The following METAP1D variants were observed in gnomAD, a reference collection of about 807,000 sequenced individuals.
METAP1D encodes methionyl aminopeptidase type 1D, mitochondrial.
A neutral mutation model predicts 40.5 loss-of-function variants in METAP1D; 31 were observed. The observed-to-expected ratio is 0.77, with a 90% CI of 0.58 to 1.03. The LOEUF (loss-of-function observed/expected upper bound fraction) is 1.03. Ranked by LOEUF, METAP1D falls within the 50% of genes least tolerant of loss-of-function variation. The probability of loss-of-function intolerance (pLI) is 0.00; values close to 1 mark genes in which losing one functional copy is unlikely to be tolerated. For synonymous variants in METAP1D, 151 were observed against 146.4 expected (o/e 1.03, Z -0.22); for missense variants, 411 against 420.7 (o/e 0.98, Z 0.20).
At position 172,061,498 on chromosome 2, in the gene METAP1D, G is replaced by C; in HGVS notation, c.41G>C (p.Gly14Ala). 6.2e-7 allele frequency: 1 copy of C among 1,608,790 alleles called. No individual in the cohort carries two copies. The highest frequency in any genetic ancestry group is 8.5e-7 in the Non-Finnish European group (1 of 1,177,924). Residue 14 changes from glycine (G) to alanine (A), a missense_variant and splice_region_variant, in exon 2 of 10, where the codon GGT (glycine) becomes GCT (alanine). Coordinates refer to ENST00000315796, the MANE Select transcript of METAP1D (RefSeq NM_199227.3). Reference protein sequence around the residue: ...PSGVHLLVRRGSHRIFSSPLN... With the variant: ...PSGVHLLVRRASHRIFSSPLN... ...AAAATATGTCTGTTTCTGCTCACAGGTTCTCATAGAATTTTCTCTTCACCA... is the reference window on the plus strand; with the variant it reads ...AAAATATGTCTGTTTCTGCTCACAGCTTCTCATAGAATTTTCTCTTCACCA...
chr2:172,072,088 T>C (rs1690433443), intron 6 of METAP1D, among the ~76,000 whole-genome samples: 1 of 152,220 alleles, frequency 6.6e-6, no homozygotes, highest in Non-Finnish European at 1.5e-5. Context: ...AGTTTTAAAT[T>C]ATAGGCTAAC....
At chr2:172,037,720 A>AGGTAGGAGGT (rs1689428257) in intron 1 of METAP1D, among the ~76,000 whole-genome samples, 1 of 152,188 alleles carries the variant, frequency 6.6e-6, no homozygotes, top group South Asian at 2.1e-4. Flanking sequence ...GGTTCTGAAC[A>AGGTAGGAGGT]CTTAATATCT....
At chr2:172,048,239 G>A (rs1689805273) in intron 1 of METAP1D, among the ~76,000 whole-genome samples, 2 of 152,104 alleles carry the variant, frequency 1.3e-5, no homozygotes, top group South Asian at 4.2e-4. Context: ...TGAATTACTT[G>A]CTTTGTGGAT....
intron 1 of METAP1D, among the ~76,000 whole-genome samples, chr2:172,060,944 TC>T (rs1690125974): frequency 2.0e-5 from 3 of 152,280 alleles, no homozygotes; most frequent in Non-Finnish European, 4.4e-5. Flanking sequence ...ATATTCATTT[TC>T]TTTCAGTGTT....
intron 6 of METAP1D, among the ~76,000 whole-genome samples, chr2:172,075,092 C>G (rs1191045708): frequency 6.6e-6 from 1 of 152,130 alleles, no homozygotes; most frequent in East Asian, 1.9e-4. Context: ...AAAGAGGTAT[C>G]TTTTTCATGT....
In METAP1D at chr2:172,006,376, G is replaced by C. The variant is rs531921480; in HGVS notation, c.40+6367G>C. On this transcript the variant is annotated intron_variant, in intron 1 of 9. Transcript: ENST00000315796. ...TTTTTTGTATTTTTAGTAGAGATGGGGTTTCACCGTGTTAGCCAGGCTGGT... is the reference window on the plus strand; with the variant it reads ...TTTTTTGTATTTTTAGTAGAGATGGCGTTTCACCGTGTTAGCCAGGCTGGT... Among the ~76,000 whole-genome samples, 608 of 152,114 alleles carry C rather than the reference G, an allele frequency of 4.0e-3. 3 individuals carry two copies. Among genetic ancestry groups the C allele is most frequent in the Admixed American group, 9.2e-3 (141 of 15,274 alleles).
intron 7 of METAP1D, among the ~76,000 whole-genome samples, chr2:172,078,378 T>C (rs1690602407): frequency 6.6e-6 from 1 of 152,200 alleles, no homozygotes; most frequent in Non-Finnish European, 1.5e-5. Flanking sequence ...TGCCCACCCT[T>C]GTCTTCCTTC....
Position 172,080,549 on chromosome 2 carries a change from G to A in METAP1D, c.*143G>A. 2.4e-6 allele frequency: 2 copies of A among 839,446 alleles called. No homozygotes were observed. Among genetic ancestry groups the A allele is most frequent in the South Asian group, 3.2e-5 (2 of 63,294 alleles). The allele number at this position is 839,446 out of a possible 1,614,324, so 52.0% of individuals were successfully genotyped here. On this transcript the variant is annotated 3_prime_UTR_variant, in exon 10 of 10. Coordinates refer to ENST00000315796, the MANE Select transcript of METAP1D (RefSeq NM_199227.3). ...CCTGATAGCGTTTGGAAGAACGCGGGGGAGACTGAAGAGCAACTGGGAACT... is the reference window on the plus strand; with the variant it reads ...CCTGATAGCGTTTGGAAGAACGCGGAGGAGACTGAAGAGCAACTGGGAACT...
intron 1 of METAP1D, among the ~76,000 whole-genome samples, chr2:172,002,099 C>G (rs1688480142): frequency 6.8e-6 from 1 of 146,042 alleles, no homozygotes; most frequent in South Asian, 2.2e-4. Flanking sequence ...TTACTAATTA[C>G]TTTTCTGTTT....
intron 1 of METAP1D, 71 bp from the exon 2 acceptor site, chr2:172,061,427 C>A: frequency 7.4e-7 from 1 of 1,351,754 alleles, no homozygotes; most frequent in Admixed American, 2.3e-5. Context: ...TAGACAACAC[C>A]ACAACATCTT....
chr2:172,041,952 C>A (rs1490654406), intron 1 of METAP1D, among the ~76,000 whole-genome samples: 1 of 120,726 alleles, frequency 8.3e-6, no homozygotes, highest in Non-Finnish European at 1.9e-5. Context: ...AGGTGCCCAC[C>A]ACTATGCCCA....
intron 8 of METAP1D, among the ~76,000 whole-genome samples, chr2:172,079,559 G>A (rs764183793): frequency 2.6e-5 from 4 of 152,120 alleles, no homozygotes; most frequent in African/African-American, 7.2e-5. Flanking sequence ...AACTAGACAC[G>A]ATTATGTCCC....
intron 1 of METAP1D, among the ~76,000 whole-genome samples, chr2:172,059,768 C>T (rs1227457837): frequency 6.6e-6 from 1 of 152,208 alleles, no homozygotes; most frequent in Non-Finnish European, 1.5e-5. Flanking sequence ...AACTATTGTT[C>T]TGGCCAGGCG....
intron 1 of METAP1D, among the ~76,000 whole-genome samples, chr2:172,045,820 T>C (rs1230677972): frequency 1.0e-4 from 3 of 29,876 alleles, no homozygotes; most frequent in Admixed American, 3.2e-4. Flanking sequence ...TGTGTGTGTG[T>C]ATATATATAT....
intron 1 of METAP1D, among the ~76,000 whole-genome samples, chr2:172,006,005 TG>T (rs1389921755): frequency 6.6e-6 from 1 of 152,110 alleles, no homozygotes; most frequent in African/African-American, 2.4e-5. Flanking sequence ...CTGCATTTGT[TG>T]GTATGGAATG....
intron 1 of METAP1D, among the ~76,000 whole-genome samples, chr2:172,018,911 A>G (rs983006570): frequency 1.3e-5 from 2 of 152,228 alleles, no homozygotes; most frequent in African/African-American, 2.4e-5. Context: ...TTAGTCTTCT[A>G]TAATCTTCTG....
chr2:172,064,377 G>T (rs1328437477), intron 3 of METAP1D: 1 of 152,306 alleles, frequency 6.6e-6, no homozygotes, highest in Admixed American at 6.5e-5. Context: ...TAGGCCAGGC[G>T]CAGTGACTCA....
intron 1 of METAP1D, among the ~76,000 whole-genome samples, chr2:172,017,986 G>A (rs1219611462): frequency 6.6e-6 from 1 of 151,958 alleles, no homozygotes; most frequent in African/African-American, 2.4e-5. Context: ...AATTAGCCGA[G>A]TGTGGTGGCA....
rs760742475 is a variant in METAP1D, at chr2:172,065,767, A to G, written c.497+15A>G. 5.0e-5 allele frequency: 80 copies of G among 1,610,966 alleles called. No individual in the cohort carries two copies. Among genetic ancestry groups the G allele is most frequent in the East Asian group, 2.7e-4 (12 of 44,824 alleles). On this transcript the variant is annotated intron_variant, in intron 4 of 9. Transcript: ENST00000315796. ...ATTCCTGACAGGTATTCAGTTCTTA[A>G]TAACATATTGTTCCTTTGGAAACTA...
Sources: gnomAD v4.1 joint callset for allele counts (sites outside exome capture counted in the v4.1 genomes callset) on GRCh38, gnomAD v4.1.1 for gene constraint, MANE v1.5 for transcripts, NCBI Gene and HGNC (gene_info 2026-07-23, HGNC 2026-07-21) for gene names.